SPECC1: variants seen among roughly 807,000 people sequenced by gnomAD.
SPECC1 encodes cytospin-B.
In SPECC1, 62 loss-of-function variants were observed where a neutral mutation model predicts 104.1. The ratio of observed to expected loss-of-function variants is 0.60; its 90% CI spans 0.49 to 0.74. The LOEUF is 0.74. SPECC1 is among the 30% of genes least tolerant of loss of function. The pLI, the probability that SPECC1 is intolerant of heterozygous loss-of-function variation, is 0.00. For missense variants in SPECC1, 1,306 were observed against 1,310.5 expected (o/e 1.00, Z 0.05); for synonymous variants, 513 against 501.6 (o/e 1.02, Z -0.30).
chr17:20,015,983 G>A (rs1337140108), intron 1 of SPECC1, among the ~76,000 whole-genome samples: 2 of 150,508 alleles, frequency 1.3e-5, no homozygotes, highest in African/African-American at 2.4e-5. Flanking sequence ...AGGCCGAGGC[G>A]GATGGATCAC....
chr17:20,234,636 A>G (rs2038799191), intron 7 of SPECC1, among the ~76,000 whole-genome samples: 1 of 152,218 alleles, frequency 6.6e-6, no homozygotes, highest in Non-Finnish European at 1.5e-5. Flanking sequence ...GCCACAGCCA[A>G]AGAACTTGCA....
intron 12 of SPECC1, among the ~76,000 whole-genome samples, chr17:20,287,059 A>G (rs781684943): frequency 3.9e-5 from 6 of 152,206 alleles, no homozygotes; most frequent in Admixed American, 6.5e-5. Context: ...TCTGCTGATG[A>G]GGGTGCAACA....
intron 2 of SPECC1, among the ~76,000 whole-genome samples, chr17:20,102,229 A>T (rs941065708): frequency 5.3e-5 from 8 of 152,256 alleles, no homozygotes; most frequent in African/African-American, 1.9e-4. Flanking sequence ...AAAAGCAGTG[A>T]CAAAGTAAGA....
At chr17:20,117,655 G>A (rs147334877) in intron 3 of SPECC1, among the ~76,000 whole-genome samples, 162 of 148,328 alleles carry the variant, frequency 1.1e-3, no homozygotes, top group African/African-American at 3.7e-3. Flanking sequence ...AGCTGGGTGC[G>A]TGCCTGTAGT....
At position 20,038,170 on chromosome 17, in the gene SPECC1, C is replaced by T. The variant is rs190007351; in HGVS notation, c.-22+28746C>T. Among the ~76,000 whole-genome samples the T allele has an allele frequency of 4.9e-3, 741 of 152,006 alleles. 9 individuals carry two copies. Among genetic ancestry groups the T allele is most frequent in the African/African-American group, 0.017 (701 of 41,480 alleles). On this transcript the variant is annotated intron_variant, in intron 1 of 14. Coordinates refer to ENST00000395527, the MANE Select transcript of SPECC1 (RefSeq NM_001243439.2). The stretch of plus-strand genomic sequence containing the variant: ...TTATTAATCTTTCGAAGAATCAGTA[C>T]TTTGTTTCACTGATTTTCTTTATTG...
intron 1 of SPECC1, among the ~76,000 whole-genome samples, chr17:20,068,279 C>G (rs543452544): frequency 1.3e-5 from 2 of 152,162 alleles, no homozygotes; most frequent in African/African-American, 2.4e-5. Context: ...TCCTTTTGTT[C>G]AACATAAGGT....
At chr17:20,285,654 A>G (rs2040918163) in intron 12 of SPECC1, among the ~76,000 whole-genome samples, 1 of 152,148 alleles carries the variant, frequency 6.6e-6, no homozygotes, top group African/African-American at 2.4e-5. Context: ...CTCCCCAAAA[A>G]TCTTGTACAT....
At chr17:20,194,525 T>TTTTTTTTTTTTTTTTTTTTTG (rs2035896918) in intron 3 of SPECC1, among the ~76,000 whole-genome samples, 3 of 143,296 alleles carry the variant, frequency 2.1e-5, no homozygotes, top group African/African-American at 8.0e-5. Context: ...TTTTTTTTTT[T>TTTTTTTTTTTTTTTTTTTTTG]GAGACAGAGT....
At chr17:20,137,423 G>C (rs954539957) in intron 3 of SPECC1, among the ~76,000 whole-genome samples, 1 of 152,154 alleles carries the variant, frequency 6.6e-6, no homozygotes, top group Non-Finnish European at 1.5e-5. Context: ...ACAAGCAAAT[G>C]AAATGACACA....
intron 2 of SPECC1, among the ~76,000 whole-genome samples, chr17:20,105,668 C>T (rs1486397790): frequency 6.6e-6 from 1 of 152,202 alleles, no homozygotes; most frequent in African/African-American, 2.4e-5. Context: ...CTGCTTCACC[C>T]CTGTTCTTAT....
chr17:20,127,437 C>CTT (rs369424296), intron 3 of SPECC1, among the ~76,000 whole-genome samples: 1,175 of 104,170 alleles, frequency 0.011, 16 homozygotes, highest in Non-Finnish European at 0.013. Context: ...ATCAGGTCAT[C>CTT]TTTTTTTTTT....
At chr17:20,193,513 A>G (rs2151292824) in intron 3 of SPECC1, among the ~76,000 whole-genome samples, 6 of 151,538 alleles carry the variant, frequency 4.0e-5, no homozygotes, top group Middle Eastern at 6.8e-3. Context: ...AATAGAGGTG[A>G]TGATATTCCT....
intron 3 of SPECC1, among the ~76,000 whole-genome samples, chr17:20,176,937 G>A (rs2034512748): frequency 6.6e-6 from 1 of 152,190 alleles, no homozygotes; most frequent in African/African-American, 2.4e-5. Context: ...TCAGTGTGCT[G>A]CAGGAAGGTA....
chr17:20,286,252 C>T (rs9913338), intron 12 of SPECC1, among the ~76,000 whole-genome samples: 1 of 152,168 alleles, frequency 6.6e-6, no homozygotes, highest in African/African-American at 2.4e-5. Context: ...AACAATGATC[C>T]TAGTCCGTTT....
chr17:20,270,850 C>T (rs899770756), intron 12 of SPECC1, among the ~76,000 whole-genome samples: 1 of 152,204 alleles, frequency 6.6e-6, no homozygotes, highest in African/African-American at 2.4e-5. Flanking sequence ...CAAGATTATA[C>T]ATTCCCAATA....
intron 3 of SPECC1, among the ~76,000 whole-genome samples, chr17:20,197,749 C>T (rs1270177270): frequency 2.6e-5 from 4 of 152,170 alleles, no homozygotes; most frequent in African/African-American, 9.7e-5. Context: ...TTGTTACTGA[C>T]CAGCTAGCTT....
chr17:20,254,134 C>CGT (rs71357419), intron 10 of SPECC1, among the ~76,000 whole-genome samples: 14,678 of 135,842 alleles, frequency 0.11, 807 homozygotes, highest in South Asian at 0.14. Context: ...GTTGTTACAC[C>CGT]GTGTGTGTGT....
chr17:20,131,930 G>C (rs1424385777), intron 3 of SPECC1, among the ~76,000 whole-genome samples: 1 of 152,182 alleles, frequency 6.6e-6, no homozygotes, highest in Non-Finnish European at 1.5e-5. Flanking sequence ...GGGATTACAG[G>C]CGTGAGCCAC....
intron 2 of SPECC1, among the ~76,000 whole-genome samples, chr17:20,101,550 G>A (rs2047945084): frequency 1.3e-5 from 2 of 152,310 alleles, no homozygotes; most frequent in South Asian, 2.1e-4. Flanking sequence ...GGCTGGGGAC[G>A]TGGACACTCA....
Sources: gnomAD v4.1 joint callset for allele counts (sites outside exome capture counted in the v4.1 genomes callset) on GRCh38, gnomAD v4.1.1 for gene constraint, MANE v1.5 for transcripts, NCBI Gene and HGNC (gene_info 2026-07-23, HGNC 2026-07-21) for gene names.